The following ADGRL3 variants were observed in gnomAD, a reference collection of about 807,000 sequenced individuals.
The protein encoded by ADGRL3 is adhesion G protein-coupled receptor L3, also known as calcium-independent alpha-latrotoxin receptor 3.
ADGRL3 carries 62 observed loss-of-function variants against 153.5 expected under a neutral mutation model. The observed-to-expected ratio is 0.40, with a 90% CI of 0.33 to 0.50. The LOEUF (loss-of-function observed/expected upper bound fraction) is 0.50. ADGRL3 is among the 20% of genes least tolerant of loss of function. The pLI, the probability that ADGRL3 is intolerant of heterozygous loss-of-function variation, is 0.47. For missense variants in ADGRL3, 1,641 were observed against 1,859.4 expected, an observed-to-expected ratio of 0.88 and a Z score of 2.16; for synonymous variants, 710 against 672.5, an observed-to-expected ratio of 1.06 and a Z score of -0.86.
chr4:61,881,873 A>G (rs2149487429), intron 9 of ADGRL3, among the ~76,000 whole-genome samples: 2 of 152,340 alleles, frequency 1.3e-5, no homozygotes, highest in Admixed American at 1.3e-4. Flanking sequence ...CTCGAGAAAT[A>G]AAATACAATA....
At chr4:61,215,277 T>A (rs1179021983) in intron 1 of ADGRL3, among the ~76,000 whole-genome samples, 4 of 152,204 alleles carry the variant, frequency 2.6e-5, no homozygotes, top group Non-Finnish European at 5.9e-5. Context: ...TAAATGATTG[T>A]ATAACTGCAT....
chr4:61,325,035 C>T (rs916167431), intron 1 of ADGRL3, among the ~76,000 whole-genome samples: 9 of 152,192 alleles, frequency 5.9e-5, no homozygotes, highest in East Asian at 1.9e-4. Flanking sequence ...GCATGTAGGT[C>T]GGGCGCAGTG....
At chr4:61,516,302 C>G (rs956573517) in intron 3 of ADGRL3, among the ~76,000 whole-genome samples, 2 of 152,004 alleles carry the variant, frequency 1.3e-5, no homozygotes, top group African/African-American at 2.4e-5. Context: ...TAGTTTCTCT[C>G]CTGTTTAATG....
intron 6 of ADGRL3, among the ~76,000 whole-genome samples, chr4:61,722,725 C>CTCATCAGTTT (rs1158929824): frequency 1.3e-5 from 2 of 152,004 alleles, no homozygotes; most frequent in Admixed American, 6.6e-5. Context: ...AAGATCTTTA[C>CTCATCAGTTT]TCATCAGTTT....
At chr4:61,854,219 G>T (rs1215409260) in intron 9 of ADGRL3, among the ~76,000 whole-genome samples, 1 of 152,164 alleles carries the variant, frequency 6.6e-6, no homozygotes, top group Admixed American at 6.5e-5. Context: ...TCGCAGAATT[G>T]AAGTAAAAGT....
At chr4:61,337,150 C>T (rs991990573) in intron 1 of ADGRL3, among the ~76,000 whole-genome samples, 1 of 152,092 alleles carries the variant, frequency 6.6e-6, no homozygotes, top group Non-Finnish European at 1.5e-5. Flanking sequence ...TTGTAAGCTC[C>T]TGCTTTGTCC....
At chr4:61,671,591 A>G (rs4860424) in intron 5 of ADGRL3, among the ~76,000 whole-genome samples, 53,786 of 151,986 alleles carry the variant, frequency 0.35, 10,005 homozygotes, top group East Asian at 0.53. Context: ...TATTATTACT[A>G]TGCTCTGAAA....
intron 5 of ADGRL3, among the ~76,000 whole-genome samples, chr4:61,611,299 A>G (rs1054985911): frequency 5.9e-5 from 9 of 152,140 alleles, no homozygotes; most frequent in South Asian, 2.1e-4. Context: ...GCTTCCAGTC[A>G]CAAGCCACTG....
chr4:61,584,276 T>G (rs2098937564), intron 4 of ADGRL3, among the ~76,000 whole-genome samples: 1 of 151,952 alleles, frequency 6.6e-6, no homozygotes, highest in Non-Finnish European at 1.5e-5. Context: ...ATAAATGCAA[T>G]TATACATTCA....
intron 2 of ADGRL3, among the ~76,000 whole-genome samples, chr4:61,430,046 A>G (rs2097336733): frequency 6.6e-6 from 1 of 152,170 alleles, no homozygotes; most frequent in African/African-American, 2.4e-5. Context: ...TTATCTTCTA[A>G]AACATAGCAA....
intron 9 of ADGRL3, among the ~76,000 whole-genome samples, chr4:61,828,914 C>CT (rs2097841583): frequency 6.6e-6 from 1 of 152,150 alleles, no homozygotes; most frequent in African/African-American, 2.4e-5. Flanking sequence ...AGCTATTTTT[C>CT]TTTTTCTCCT....
At chr4:61,594,031 G>T (rs1178095862) in intron 5 of ADGRL3, among the ~76,000 whole-genome samples, 2 of 151,862 alleles carry the variant, frequency 1.3e-5, no homozygotes, top group Non-Finnish European at 2.9e-5. Flanking sequence ...TTTTCAAATA[G>T]ACTGCCTTCT....
intron 8 of ADGRL3, among the ~76,000 whole-genome samples, chr4:61,799,003 A>G (rs2097451582): frequency 3.8e-5 from 2 of 52,986 alleles, no homozygotes; most frequent in Admixed American, 4.0e-4. Flanking sequence ...TAAACAGTAT[A>G]TATATATATA....
intron 2 of ADGRL3, among the ~76,000 whole-genome samples, chr4:61,425,926 A>G (rs2097273902): frequency 6.6e-6 from 1 of 152,200 alleles, no homozygotes; most frequent in Non-Finnish European, 1.5e-5. Context: ...GGCAGGCAAC[A>G]GCAGATTACC....
intron 8 of ADGRL3, among the ~76,000 whole-genome samples, chr4:61,801,531 T>C (rs931413581): frequency 2.6e-5 from 4 of 152,106 alleles, no homozygotes; most frequent in Non-Finnish European, 5.9e-5. Context: ...ATAATCCACA[T>C]TGCTTCTTTG....
rs183373790 is a variant in ADGRL3 at position 61,960,858 on chromosome 4, C to T, written c.2805+12582C>T. ...CCGAGTAGCTGGGACTACAGGCGTG[C>T]GCCACCACACCGAGCTAATTTTTGT... On this transcript the variant is annotated intron_variant, in intron 17 of 26. Coordinates refer to ENST00000683033, the MANE Select transcript of ADGRL3 (RefSeq NM_001387552.1). Among the ~76,000 whole-genome samples the T allele has an allele frequency of 6.4e-4, 97 of 152,022 alleles. 1 individual carries two copies. The East Asian group carries it at 0.016, about 25-fold the overall frequency.
chr4:61,394,584 A>T (rs2096848948), intron 2 of ADGRL3, among the ~76,000 whole-genome samples: 1 of 152,174 alleles, frequency 6.6e-6, no homozygotes, highest in Non-Finnish European at 1.5e-5. Context: ...ATATAAAAAA[A>T]AATTACGTAT....
chr4:61,415,415 T>G (rs1415269884), intron 2 of ADGRL3, among the ~76,000 whole-genome samples: 2 of 152,086 alleles, frequency 1.3e-5, no homozygotes, highest in Admixed American at 1.3e-4. Context: ...TCCAACACAG[T>G]GTATCCAAAA....
At chr4:61,591,090 C>T (rs1218997129) in intron 5 of ADGRL3, among the ~76,000 whole-genome samples, 1 of 152,122 alleles carries the variant, frequency 6.6e-6, no homozygotes, top group Non-Finnish European at 1.5e-5. Context: ...GTGCTCTGCA[C>T]CAGCCATATT....
Sources: gnomAD v4.1 joint callset for allele counts (sites outside exome capture counted in the v4.1 genomes callset) on GRCh38, gnomAD v4.1.1 for gene constraint, MANE v1.5 for transcripts, NCBI Gene and HGNC (gene_info 2026-07-23, HGNC 2026-07-21) for gene names.